The following CABLES1 variants were observed in gnomAD, a reference collection of about 807,000 sequenced individuals.
The protein encoded by CABLES1 is CDK5 and ABL1 enzyme substrate 1.
A neutral mutation model predicts 57.8 loss-of-function variants in CABLES1; 36 were observed. The ratio of observed to expected loss-of-function variants is 0.62; its 90% CI spans 0.48 to 0.82. The LOEUF (loss-of-function observed/expected upper bound fraction) is 0.82. CABLES1 is among the 40% of genes least tolerant of loss of function. The pLI, the probability that CABLES1 is intolerant of heterozygous loss-of-function variation, is 0.00. For synonymous variants in CABLES1, 374 were observed against 363.0 expected (o/e 1.03, Z -0.35); for missense variants, 767 against 836.6 (o/e 0.92, Z 1.03).
At chr18:23,226,133 G>T (rs1246141850) in intron 4 of CABLES1, among the ~76,000 whole-genome samples, 1 of 152,256 alleles carries the variant, frequency 6.6e-6, no homozygotes, top group African/African-American at 2.4e-5. Flanking sequence ...GCTGGGCACA[G>T]TGGCTCATGC....
intron 3 of CABLES1, among the ~76,000 whole-genome samples, chr18:23,211,372 C>T (rs1568069513): frequency 6.6e-6 from 1 of 152,166 alleles, no homozygotes; most frequent in Non-Finnish European, 1.5e-5. Context: ...GGCCTTTGTC[C>T]TGGGTAAATG....
At chr18:23,165,253 T>G (rs749704448) in intron 1 of CABLES1, among the ~76,000 whole-genome samples, 6 of 152,114 alleles carry the variant, frequency 3.9e-5, no homozygotes, top group Non-Finnish European at 7.4e-5. Context: ...CAGCTAATTT[T>G]TTAATTTTAA....
intron 3 of CABLES1, among the ~76,000 whole-genome samples, chr18:23,196,577 C>T (rs1043793143): frequency 1.3e-5 from 2 of 152,240 alleles, no homozygotes; most frequent in African/African-American, 2.4e-5. Context: ...AATGCAGAAG[C>T]TCTGCCCCAC....
intron 1 of CABLES1, among the ~76,000 whole-genome samples, chr18:23,172,506 G>C (rs1240192950): frequency 6.6e-6 from 1 of 152,184 alleles, no homozygotes; most frequent in Non-Finnish European, 1.5e-5. Flanking sequence ...GAAAATCAGT[G>C]GTAGTCAATT....
At chr18:23,238,657 G>A (rs1448537093) in intron 7 of CABLES1, among the ~76,000 whole-genome samples, 1 of 152,228 alleles carries the variant, frequency 6.6e-6, no homozygotes, top group South Asian at 2.1e-4. Flanking sequence ...AGCAACTGGT[G>A]TAAGAATAAG....
At position 23,214,057 on chromosome 18, in the gene CABLES1, A is replaced by G. The variant is rs2047424143; in HGVS notation, c.1088+3A>G. 1.9e-6 allele frequency: 3 copies of G among 1,594,754 alleles called. No individual in the cohort carries two copies. Among genetic ancestry groups the G allele is most frequent in the Non-Finnish European group, 2.6e-6 (3 of 1,164,000 alleles). On this transcript the variant is annotated splice_donor_region_variant and intron_variant, in intron 4 of 9. Coordinates refer to ENST00000256925, the MANE Select transcript of CABLES1 (RefSeq NM_001100619.3). ...TATCGCGACAGTACCCAAGTCGGGT[A>G]TGTATATGCATGCATGCTTTGTAGT... is the stretch of plus-strand genomic sequence containing the variant.
At chr18:23,155,523 A>G (rs1425564748) in intron 1 of CABLES1, among the ~76,000 whole-genome samples, 1 of 152,246 alleles carries the variant, frequency 6.6e-6, no homozygotes, top group Non-Finnish European at 1.5e-5. Flanking sequence ...TTCTTTTTAT[A>G]ACCCTGGCAA....
In CABLES1 at chr18:23,248,097, G is replaced by A. The variant is rs536061537; in HGVS notation, c.1447-4863G>A. Reference sequence around the variant, plus strand: ...ACCCGGGCCAGAGTGGGCCTGGCGCGCTCTGCCACCCTTGCCCCCTCCAGA... The same window carrying A: ...ACCCGGGCCAGAGTGGGCCTGGCGCACTCTGCCACCCTTGCCCCCTCCAGA... On this transcript the variant is annotated intron_variant, in intron 7 of 9. Transcript: ENST00000256925. Among the ~76,000 whole-genome samples the A allele has an allele frequency of 2.3e-4, 35 of 152,352 alleles. No homozygotes were observed. In the South Asian group the frequency reaches 5.0e-3, roughly 22 times the overall value.
At position 23,246,478 on chromosome 18, in the gene CABLES1, G is replaced by A. The variant is rs571315764; in HGVS notation, c.1447-6482G>A. The stretch of plus-strand genomic sequence containing the variant: ...AAGATCTTGGCTCACTGCAAGCTCC[G>A]CCTCCCGGGTTCACGCCATTCTCCT... On this transcript the variant is annotated intron_variant, in intron 7 of 9. Coordinates refer to ENST00000256925, the MANE Select transcript of CABLES1 (RefSeq NM_001100619.3). 6.1e-4 allele frequency among the ~76,000 whole-genome samples: 92 copies of A among 151,526 alleles called. 1 individual carries two copies. Among genetic ancestry groups the A allele is most frequent in the African/African-American group, 2.1e-3 (86 of 41,246 alleles).
At chr18:23,184,624 G>C (rs959246473) in intron 1 of CABLES1, among the ~76,000 whole-genome samples, 8 of 152,096 alleles carry the variant, frequency 5.3e-5, no homozygotes, top group Admixed American at 5.2e-4. Flanking sequence ...AATTGATTGA[G>C]CCTGGGAGGC....
intron 1 of CABLES1, among the ~76,000 whole-genome samples, chr18:23,158,638 C>T (rs1393410398): frequency 6.6e-6 from 1 of 152,200 alleles, no homozygotes; most frequent in Non-Finnish European, 1.5e-5. Context: ...TAACTGTCAG[C>T]AGTGAGCAGA....
At chr18:23,179,092 C>T (rs2047145350) in intron 1 of CABLES1, among the ~76,000 whole-genome samples, 3 of 152,106 alleles carry the variant, frequency 2.0e-5, no homozygotes. Context: ...TCGAGACCAG[C>T]CTGGCCAACA....
At chr18:23,153,169 C>T (rs549433494) in intron 1 of CABLES1, among the ~76,000 whole-genome samples, 5 of 152,022 alleles carry the variant, frequency 3.3e-5, no homozygotes, top group African/African-American at 1.2e-4. Flanking sequence ...AACCTTGGCT[C>T]ACTGCAGCCT....
chr18:23,150,207 G>GTTTTTTGTTTTTTGTTTTTTT (rs1555658964), intron 1 of CABLES1, among the ~76,000 whole-genome samples: 1 of 106,674 alleles, frequency 9.4e-6, no homozygotes, highest in African/African-American at 4.1e-5. Flanking sequence ...GTTGGTGTTT[G>GTTTTTTGTTTTTTGTTTTTTT]TTTTTTTTTT....
At chr18:23,209,456 G>A (rs1288116027) in intron 3 of CABLES1, among the ~76,000 whole-genome samples, 1 of 152,140 alleles carries the variant, frequency 6.6e-6, no homozygotes, top group Non-Finnish European at 1.5e-5. Context: ...CTTTGTAGGC[G>A]TATTCTTTCT....
At chr18:23,213,811 G>T (rs1187239541) in intron 3 of CABLES1, among the ~76,000 whole-genome samples, 166 bp from the exon 4 acceptor site, 1 of 152,218 alleles carries the variant, frequency 6.6e-6, no homozygotes, top group Non-Finnish European at 1.5e-5. Context: ...CCACGCTGGG[G>T]TTGCATTTTG....
intron 1 of CABLES1, among the ~76,000 whole-genome samples, chr18:23,163,599 G>A (rs568963200): frequency 2.6e-5 from 4 of 152,208 alleles, no homozygotes; most frequent in Admixed American, 2.6e-4. Context: ...GGAGGAGAGA[G>A]AAGAAAGGAT....
rs780513398 is a variant in CABLES1, at chr18:23,253,736, C to T, written c.1561C>T (p.Arg521Ter). The T allele has an allele frequency of 4.3e-6, 7 of 1,613,964 alleles. No homozygotes were observed. The highest frequency in any genetic ancestry group is 3.4e-6 in the Non-Finnish European group (4 of 1,179,868). ...LTLSKIRSLK[R>*]EMRKLAQEDC... ...TTGCCTGTCTTTCTCCAGTCTGAAA[C>T]GAGAGATGCGGAAGCTTGCGCAGGA... is the stretch of plus-strand genomic sequence containing the variant. Residue 521 changes from arginine to a stop codon, truncating the protein, a stop_gained, in exon 9 of 10, where the codon CGA becomes TGA. Coordinates refer to ENST00000256925, the MANE Select transcript of CABLES1 (RefSeq NM_001100619.3). LOFTEE classifies it high-confidence loss of function.
At chr18:23,164,357 G>A (rs752885014) in intron 1 of CABLES1, among the ~76,000 whole-genome samples, 6 of 152,110 alleles carry the variant, frequency 3.9e-5, no homozygotes, top group Non-Finnish European at 8.8e-5. Flanking sequence ...CACAAGGCCC[G>A]CAGCCTGACC....
Sources: gnomAD v4.1 joint callset for allele counts (sites outside exome capture counted in the v4.1 genomes callset) on GRCh38, gnomAD v4.1.1 for gene constraint, MANE v1.5 for transcripts, NCBI Gene and HGNC (gene_info 2026-07-23, HGNC 2026-07-21) for gene names.